GALNT17: variants seen among roughly 807,000 people sequenced by gnomAD.
GALNT17 encodes polypeptide N-acetylgalactosaminyltransferase 17.
GALNT17 carries 29 observed loss-of-function variants against 63.7 expected under a neutral mutation model. The observed-to-expected ratio is 0.46, with a 90% CI of 0.34 to 0.62. The LOEUF is 0.62. Ranked by LOEUF, GALNT17 falls within the 20% of genes least tolerant of loss-of-function variation. The pLI is 0.01. For synonymous variants in GALNT17, 305 were observed against 318.3 expected (o/e 0.96, Z 0.45); for missense variants, 603 against 799.6 (o/e 0.75, Z 2.97).
At chr7:71,420,702 G>A (rs1343582325) in intron 4 of GALNT17, among the ~76,000 whole-genome samples, 2 of 152,150 alleles carry the variant, frequency 1.3e-5, no homozygotes, top group Non-Finnish European at 2.9e-5. Context: ...GGAAAGGGGT[G>A]CGCTGATTTC....
chr7:71,140,957 G>C (rs952696297), intron 1 of GALNT17, among the ~76,000 whole-genome samples: 1 of 152,092 alleles, frequency 6.6e-6, no homozygotes, highest in Non-Finnish European at 1.5e-5. Flanking sequence ...AGAGTTCGAG[G>C]CTTCAGTGAG....
At chr7:71,476,426 G>A (rs1787723787) in intron 5 of GALNT17, among the ~76,000 whole-genome samples, 1 of 151,330 alleles carries the variant, frequency 6.6e-6, no homozygotes, top group Non-Finnish European at 1.5e-5. Flanking sequence ...TGATGAGGGT[G>A]AAAAAATACT....
At position 71,177,295 on chromosome 7, in the gene GALNT17, C is replaced by CT. The variant is rs550345341; in HGVS notation, c.238+44256dup. 2.5e-3 allele frequency among the ~76,000 whole-genome samples: 382 copies of CT among 152,284 alleles called. 1 individual carries two copies. Among genetic ancestry groups the CT allele is most frequent in the Non-Finnish European group, 4.5e-3 (306 of 68,028 alleles). On this transcript the variant is annotated intron_variant, in intron 1 of 10. Transcript: ENST00000333538. The stretch of plus-strand genomic sequence containing the variant: ...AGCCATATGTCCTTGATCAATATCT[C>CT]TGTCTCCAGTCACTCAGGGTCTTAG...
chr7:71,650,292 G>A (rs910532182), intron 6 of GALNT17, among the ~76,000 whole-genome samples: 8 of 152,078 alleles, frequency 5.3e-5, no homozygotes, highest in African/African-American at 1.2e-4. Flanking sequence ...CTCTGTCGCC[G>A]AGGCTGGAGC....
chr7:71,371,476 T>C (rs147709748), intron 2 of GALNT17, among the ~76,000 whole-genome samples: 12 of 152,332 alleles, frequency 7.9e-5, no homozygotes, highest in Non-Finnish European at 1.0e-4. Flanking sequence ...TTCATGTTTT[T>C]TGTTTATTTA....
At chr7:71,217,140 GTTTTGTTT>G (rs968685326) in intron 1 of GALNT17, among the ~76,000 whole-genome samples, 6 of 95,216 alleles carry the variant, frequency 6.3e-5, no homozygotes, top group African/African-American at 2.6e-4. Flanking sequence ...ATTTTTTCGT[GTTTTGTTT>G]TTTTTTTTTT....
chr7:71,401,125 T>C (rs1182812111), intron 3 of GALNT17, among the ~76,000 whole-genome samples: 1 of 151,284 alleles, frequency 6.6e-6, no homozygotes, highest in Non-Finnish European at 1.5e-5. Context: ...AGACAGGTTC[T>C]TGCTCTGTTG....
intron 1 of GALNT17, among the ~76,000 whole-genome samples, chr7:71,257,370 A>G (rs1023487789): frequency 1.3e-5 from 2 of 152,216 alleles, no homozygotes; most frequent in African/African-American, 4.8e-5. Flanking sequence ...AGCCTTAGAA[A>G]TAAATTCTCC....
intron 2 of GALNT17, among the ~76,000 whole-genome samples, chr7:71,341,092 G>A (rs1490501819): frequency 2.0e-5 from 3 of 152,090 alleles, no homozygotes; most frequent in Non-Finnish European, 4.4e-5. Flanking sequence ...AGTTAGACCT[G>A]TAGTCCTAGC....
intron 6 of GALNT17, among the ~76,000 whole-genome samples, chr7:71,623,705 G>C (rs1790330360): frequency 6.6e-6 from 1 of 152,136 alleles, no homozygotes; most frequent in Non-Finnish European, 1.5e-5. Flanking sequence ...CAAGGTGCTG[G>C]GATTACCGGC....
At chr7:71,380,991 C>T (rs943549671) in intron 2 of GALNT17, among the ~76,000 whole-genome samples, 1 of 149,880 alleles carries the variant, frequency 6.7e-6, no homozygotes, top group Non-Finnish European at 1.5e-5. Flanking sequence ...GACAGGATCT[C>T]GCTCCGTCAC....
chr7:71,520,743 A>T (rs1289808607), intron 5 of GALNT17, among the ~76,000 whole-genome samples: 2 of 152,052 alleles, frequency 1.3e-5, no homozygotes, highest in African/African-American at 4.8e-5. Context: ...AAAGATTACT[A>T]GGCTTGAGGT....
intron 6 of GALNT17, among the ~76,000 whole-genome samples, chr7:71,617,990 G>C (rs1355379948): frequency 1.3e-5 from 2 of 151,948 alleles, no homozygotes; most frequent in Non-Finnish European, 2.9e-5. Flanking sequence ...CCCTCTAGTA[G>C]TCCACAATAT....
At chr7:71,251,845 C>T (rs145911539) in intron 1 of GALNT17, among the ~76,000 whole-genome samples, 1 of 152,336 alleles carries the variant, frequency 6.6e-6, no homozygotes, top group African/African-American at 2.4e-5. Context: ...GTTTACCTTA[C>T]GACTGTCACC....
intron 5 of GALNT17, among the ~76,000 whole-genome samples, chr7:71,477,288 G>A (rs957059397): frequency 6.6e-6 from 1 of 152,122 alleles, no homozygotes; most frequent in East Asian, 1.9e-4. Flanking sequence ...GGGATTATGA[G>A]TGGGAACTCC....
intron 1 of GALNT17, among the ~76,000 whole-genome samples, chr7:71,308,637 A>G (rs1457340206): frequency 6.6e-6 from 1 of 152,084 alleles, no homozygotes; most frequent in African/African-American, 2.4e-5. Flanking sequence ...TTTGCACGAG[A>G]TAAATAAACA....
chr7:71,482,167 T>C (rs1032543580), intron 5 of GALNT17, among the ~76,000 whole-genome samples: 25 of 87,534 alleles, frequency 2.9e-4, no homozygotes, highest in Non-Finnish European at 5.6e-4. Context: ...TTTTTTTTTT[T>C]GAGACGGAGT....
At chr7:71,367,851 G>A (rs893773537) in intron 2 of GALNT17, among the ~76,000 whole-genome samples, 24 of 152,208 alleles carry the variant, frequency 1.6e-4, no homozygotes. Context: ...AAGTTATGTG[G>A]TCAAGGAAGT....
rs531044737 is a variant in GALNT17 at position 71,514,982 on chromosome 7, T to C, written c.963-56303T>C. 1.2e-3 allele frequency among the ~76,000 whole-genome samples: 177 copies of C among 152,326 alleles called. 2 individuals are homozygous for C. The highest frequency in any genetic ancestry group is 4.0e-3 in the African/African-American group (168 of 41,586). ...TAAATCTCACGAGATCTGATGGTTTTATAAGGGGTTTCCCTTTTCGCTTGG... is the reference window on the plus strand; with the variant it reads ...TAAATCTCACGAGATCTGATGGTTTCATAAGGGGTTTCCCTTTTCGCTTGG... On this transcript the variant is annotated intron_variant, in intron 5 of 10. Transcript: ENST00000333538.
Sources: allele counts gnomAD v4.1 joint callset (sites outside exome capture counted in the v4.1 genomes callset), GRCh38; gene constraint gnomAD v4.1.1; transcripts MANE v1.5; gene names NCBI Gene and HGNC (gene_info 2026-07-23, HGNC 2026-07-21).